SYNPR: variants seen among roughly 807,000 people sequenced by gnomAD.
The protein encoded by SYNPR is synaptoporin.
Under a neutral mutation model 32.9 loss-of-function variants are expected in SYNPR, and 23 were observed. The observed-to-expected ratio is 0.70, with a 90% confidence interval of 0.50 to 0.99. The LOEUF (loss-of-function observed/expected upper bound fraction) is 0.99, where lower values mean the gene tolerates loss of function less well. Ranked by LOEUF, SYNPR falls within the 50% of genes least tolerant of loss-of-function variation. SYNPR has a pLI of 0.00. For synonymous variants in SYNPR, 146 were observed against 135.9 expected, an observed-to-expected ratio of 1.07 and a Z score of -0.52; for missense variants, 318 against 349.3, an observed-to-expected ratio of 0.91 and a Z score of 0.71.
At chr3:63,608,705 A>T (rs923539195) in intron 4 of SYNPR, among the ~76,000 whole-genome samples, 1 of 152,136 alleles carries the variant, frequency 6.6e-6, no homozygotes, top group African/African-American at 2.4e-5. Context: ...AAGAACTTGG[A>T]CTCAATATTC....
intron 2 of SYNPR, among the ~76,000 whole-genome samples, chr3:63,440,850 A>G (rs1173987124): frequency 6.6e-6 from 1 of 152,186 alleles, no homozygotes; most frequent in Non-Finnish European, 1.5e-5. Context: ...GCCCAAGGCC[A>G]TACAGAAACC....
chr3:63,531,731 G>A (rs559366411), intron 3 of SYNPR, among the ~76,000 whole-genome samples: 85 of 152,228 alleles, frequency 5.6e-4, no homozygotes, highest in Non-Finnish European at 1.0e-3. Context: ...TCTGCCCAGT[G>A]AGCCCTGGGA....
intron 3 of SYNPR, among the ~76,000 whole-genome samples, chr3:63,505,503 G>A (rs895463832): frequency 1.4e-4 from 21 of 152,162 alleles, no homozygotes; most frequent in African/African-American, 5.1e-4. Context: ...ATCAAAGAAG[G>A]AATGCTTTTT....
At chr3:63,388,377 C>T (rs2088082922) in intron 2 of SYNPR, among the ~76,000 whole-genome samples, 1 of 125,234 alleles carries the variant, frequency 8.0e-6, no homozygotes, top group South Asian at 2.8e-4. Flanking sequence ...AAGTTTGGAG[C>T]TCTTTTTTTT....
intron 2 of SYNPR, among the ~76,000 whole-genome samples, chr3:63,406,235 A>G (rs2088357753): frequency 6.6e-6 from 1 of 151,430 alleles, no homozygotes; most frequent in Non-Finnish European, 1.5e-5. Context: ...TATGCCCTGT[A>G]TAGTTTTCAG....
chr3:63,298,555 T>A (rs1420267234), intron 2 of SYNPR, among the ~76,000 whole-genome samples: 1 of 152,122 alleles, frequency 6.6e-6, no homozygotes, highest in Non-Finnish European at 1.5e-5. Context: ...TGAGCAGCCT[T>A]GAGCAATGCA....
chr3:63,305,912 C>A (rs2086905319), intron 2 of SYNPR, among the ~76,000 whole-genome samples: 1 of 151,926 alleles, frequency 6.6e-6, no homozygotes, highest in African/African-American at 2.4e-5. Flanking sequence ...GATGTTAAAA[C>A]CATATTTGGT....
chr3:63,281,422 A>G (rs1247833016), intron 2 of SYNPR, among the ~76,000 whole-genome samples: 2 of 152,216 alleles, frequency 1.3e-5, no homozygotes, highest in African/African-American at 4.8e-5. Flanking sequence ...GGGTTGCTAT[A>G]ACAAAACACC....
Position 63,614,405 on chromosome 3 carries a change from C to T in SYNPR, c.601-819C>T, listed in dbSNP as rs374694360. ...CATCAAACCTGAGGCCCTGGGGAGG[C>T]GACACCCAGTCCTCTGGCTCACTGA... On this transcript the variant is annotated intron_variant, in intron 5 of 5. Coordinates refer to ENST00000478300, the MANE Select transcript of SYNPR (RefSeq NM_001130003.2). Among the ~76,000 whole-genome samples the T allele has an allele frequency of 3.9e-5, 6 of 152,122 alleles. No individual in the cohort carries two copies. The East Asian group carries it at 9.6e-4, about 24-fold the overall frequency.
chr3:63,498,311 G>A (rs1321912233), intron 3 of SYNPR, among the ~76,000 whole-genome samples: 1 of 152,080 alleles, frequency 6.6e-6, no homozygotes, highest in East Asian at 1.9e-4. Context: ...TTTTTTGAAT[G>A]CCTGCACTGT....
At chr3:63,483,081 C>A (rs551113013) in intron 3 of SYNPR, among the ~76,000 whole-genome samples, 1 of 152,260 alleles carries the variant, frequency 6.6e-6, no homozygotes, top group South Asian at 2.1e-4. Context: ...TTTAAATGTA[C>A]ATTCTATTTA....
intron 2 of SYNPR, among the ~76,000 whole-genome samples, chr3:63,453,728 A>G (rs4688168): frequency 0.12 from 17,838 of 152,036 alleles, 1,839 homozygotes; most frequent in African/African-American, 0.27. Flanking sequence ...GTGACTTTTG[A>G]GTGACTTACG....
At chr3:63,580,134 AC>A in intron 4 of SYNPR, among the ~76,000 whole-genome samples, 1 of 152,178 alleles carries the variant, frequency 6.6e-6, no homozygotes, top group Admixed American at 6.5e-5. Flanking sequence ...TGTATTCATC[AC>A]TTTTTTATGA....
chr3:63,531,046 A>G (rs140123036), intron 3 of SYNPR, among the ~76,000 whole-genome samples: 2 of 152,212 alleles, frequency 1.3e-5, no homozygotes, highest in African/African-American at 4.8e-5. Context: ...GGAAACATGC[A>G]GGAAATTAAG....
intron 2 of SYNPR, among the ~76,000 whole-genome samples, chr3:63,313,641 C>T (rs1234461995): frequency 1.5e-5 from 2 of 136,658 alleles, no homozygotes; most frequent in East Asian, 4.4e-4. Context: ...CAATGAAATA[C>T]TACGCAGCCA....
At chr3:63,530,382 A>G (rs1702090162) in intron 3 of SYNPR, among the ~76,000 whole-genome samples, 1 of 152,066 alleles carries the variant, frequency 6.6e-6, no homozygotes, top group Admixed American at 6.6e-5. Context: ...GTTGTGTTCA[A>G]GTGGAAGGAG....
chr3:63,456,161 A>T (rs536385537), intron 2 of SYNPR, among the ~76,000 whole-genome samples: 2 of 152,076 alleles, frequency 1.3e-5, no homozygotes, highest in Non-Finnish European at 2.9e-5. Flanking sequence ...ACTTATCTCC[A>T]TGATTCAATT....
At chr3:63,534,597 G>A (rs1282261844) in intron 3 of SYNPR, among the ~76,000 whole-genome samples, 2 of 152,114 alleles carry the variant, frequency 1.3e-5, no homozygotes, top group Non-Finnish European at 2.9e-5. Flanking sequence ...AGTTAGTGTT[G>A]CTATAACAGA....
At chr3:63,262,800 A>G (rs1156902899) in intron 2 of SYNPR, among the ~76,000 whole-genome samples, 1 of 152,166 alleles carries the variant, frequency 6.6e-6, no homozygotes, top group Non-Finnish European at 1.5e-5. Context: ...AATGATATGG[A>G]TTGCCTAGCT....
Sources: gnomAD v4.1 joint callset for allele counts (sites outside exome capture counted in the v4.1 genomes callset) on GRCh38, gnomAD v4.1.1 for gene constraint, MANE v1.5 for transcripts, NCBI Gene and HGNC (gene_info 2026-07-23, HGNC 2026-07-21) for gene names.